The following SNX13 variants were observed in gnomAD, a reference collection of about 807,000 sequenced individuals.
SNX13 encodes sorting nexin-13.
In SNX13, 45 loss-of-function variants were observed where a neutral mutation model predicts 133.6. The observed-to-expected ratio is 0.34, with a 90% CI of 0.27 to 0.43. The LOEUF (loss-of-function observed/expected upper bound fraction) is 0.43. Among genes scored for constraint, SNX13 ranks in the 20% least tolerant of loss-of-function variants. SNX13 has a pLI of 1.00. For missense variants in SNX13, 1,032 were observed against 1,145.1 expected (o/e 0.90, Z 1.43); for synonymous variants, 414 against 373.9 (o/e 1.11, Z -1.24).
Position 17,845,634 on chromosome 7 carries a change from T to C in SNX13, c.1126A>G (p.Ser376Gly). 2 of 1,602,966 alleles carry C rather than the reference T, an allele frequency of 1.2e-6. No homozygotes were observed. The highest frequency in any genetic ancestry group is 1.7e-6 in the Non-Finnish European group (2 of 1,175,002). The part of the protein sequence containing the change: ...FGKLCTVPLD[S>G]ILVDNVALQF... ...AGTGCAACATTGTCTACAAGAATGCTGTCCAGGGGGACTGTGCAAAGTTTC... is the reference window on the plus strand; with the variant it reads ...AGTGCAACATTGTCTACAAGAATGCCGTCCAGGGGGACTGTGCAAAGTTTC... Residue 376 changes from serine (S) to glycine (G), a missense_variant, in exon 12 of 26, where the codon AGC (serine) becomes GGC (glycine). By Grantham distance (56) the Ser-to-Gly change is moderately conservative. Coordinates refer to ENST00000428135, the MANE Select transcript of SNX13 (RefSeq NM_015132.5).
At chr7:17,898,512 A>G (rs974301436) in intron 1 of SNX13, among the ~76,000 whole-genome samples, 1 of 152,202 alleles carries the variant, frequency 6.6e-6, no homozygotes, top group African/African-American at 2.4e-5. Context: ...TAGTGGGGAT[A>G]CCATAAGGGA....
At chr7:17,836,630 C>A (rs1789171180) in intron 13 of SNX13, among the ~76,000 whole-genome samples, 1 of 152,026 alleles carries the variant, frequency 6.6e-6, no homozygotes, top group Non-Finnish European at 1.5e-5. Flanking sequence ...TTTTCTATTA[C>A]AGAAATGTGA....
At chr7:17,899,595 T>C (rs1206798766) in intron 1 of SNX13, 1 of 151,894 alleles carries the variant, frequency 6.6e-6, no homozygotes, top group African/African-American at 2.4e-5. Flanking sequence ...GAAATTCTGA[T>C]GCATTCGTCA....
Position 17,826,049 on chromosome 7 carries a change from G to A in SNX13, c.1678C>T (p.Gln560Ter). 1 of 1,559,996 alleles carries A rather than the reference G, an allele frequency of 6.4e-7. No individual in the cohort carries two copies. Residue 560 changes from glutamine to a stop codon, truncating the protein, a stop_gained, in exon 17 of 26, where the codon CAA (glutamine) becomes TAA (stop). Transcript: ENST00000428135. LOFTEE classifies it high-confidence loss of function. The part of the protein sequence containing the change: ...LSNVSSDDSV[Q>*]LHAYISDTGV... ...GTGTCTGAAATGTAGGCATGAAGTT[G>A]TACTGAGTCATCAGAAGAAACATTT... is the stretch of plus-strand genomic sequence containing the variant.
chr7:17,935,067 C>T (rs1583852347), intron 1 of SNX13, among the ~76,000 whole-genome samples: 1 of 152,308 alleles, frequency 6.6e-6, no homozygotes, highest in East Asian at 1.9e-4. Context: ...GATATCTGCA[C>T]TCCCAGGTTC....
chr7:17,936,475 T>C (rs1802039008), intron 1 of SNX13, among the ~76,000 whole-genome samples: 1 of 152,204 alleles, frequency 6.6e-6, no homozygotes, highest in African/African-American at 2.4e-5. Context: ...CTAATAGCTT[T>C]AAATAGCTAC....
At chr7:17,849,873 C>T (rs1791001162) in intron 11 of SNX13, among the ~76,000 whole-genome samples, 1 of 152,180 alleles carries the variant, frequency 6.6e-6, no homozygotes, top group Non-Finnish European at 1.5e-5. Context: ...TAAACCAGTC[C>T]AAGACATTCT....
intron 18 of SNX13, among the ~76,000 whole-genome samples, chr7:17,818,511 ATT>A (rs1786926895): frequency 6.6e-6 from 1 of 152,166 alleles, no homozygotes; most frequent in South Asian, 2.1e-4. Context: ...TATACTCTAT[ATT>A]AACTCATCAT....
intron 15 of SNX13, chr7:17,831,603 T>C (rs761057062): frequency 8.1e-5 from 80 of 984,120 alleles, no homozygotes; most frequent in East Asian, 1.1e-4. Flanking sequence ...CCATATGATA[T>C]GACTTGGTCC....
At chr7:17,880,793 A>G (rs927023715) in intron 5 of SNX13, 1 of 152,236 alleles carries the variant, frequency 6.6e-6, no homozygotes, top group African/African-American at 2.4e-5. Context: ...CCACACACAC[A>G]AAGACTATAG....
At chr7:17,811,682 T>C (rs1030369170) in intron 20 of SNX13, among the ~76,000 whole-genome samples, 5 of 152,184 alleles carry the variant, frequency 3.3e-5, no homozygotes, top group Non-Finnish European at 7.4e-5. Flanking sequence ...AGAGCCCATA[T>C]AGACAAGAGA....
chr7:17,845,455 C>T (rs935788416), intron 12 of SNX13, 140 bp downstream of exon 12: 6 of 561,588 alleles, frequency 1.1e-5, no homozygotes, highest in Admixed American at 3.8e-5. Flanking sequence ...AGACTCTGTA[C>T]AACATCATGA....
rs1583645200 is a variant in SNX13 at position 17,890,616 on chromosome 7, C to A, written c.319-132G>T. On this transcript the variant is annotated intron_variant, in intron 4 of 25. Coordinates refer to ENST00000428135, the MANE Select transcript of SNX13 (RefSeq NM_015132.5). ...ACGTATTAATTTATGGTGGTAAATA[C>A]CTGCCCTCATTACAAAAACATCAAC... is the stretch of plus-strand genomic sequence containing the variant. 2.9e-5 allele frequency: 15 copies of A among 509,572 alleles called. No individual in the cohort carries two copies. The East Asian group carries it at 5.1e-4, about 17-fold the overall frequency. The allele number at this position is 509,572 out of a possible 1,614,324, so 31.6% of individuals were successfully genotyped here.
intron 9 of SNX13, among the ~76,000 whole-genome samples, chr7:17,864,660 C>G (rs571696210): frequency 6.6e-6 from 1 of 151,600 alleles, no homozygotes; most frequent in Non-Finnish European, 1.5e-5. Flanking sequence ...ACAAGAAGGT[C>G]GAAAAACACC....
At chr7:17,827,404 G>C (rs564540842) in intron 16 of SNX13, among the ~76,000 whole-genome samples, 110 of 152,026 alleles carry the variant, frequency 7.2e-4, no homozygotes, top group African/African-American at 2.5e-3. Flanking sequence ...GAGTCCTAAT[G>C]TAATATTATT....
At chr7:17,856,036 T>C (rs898528775) in intron 9 of SNX13, among the ~76,000 whole-genome samples, 1 of 152,220 alleles carries the variant, frequency 6.6e-6, no homozygotes, top group African/African-American at 2.4e-5. Flanking sequence ...CCAATCTTCA[T>C]AGATGACTTT....
intron 1 of SNX13, among the ~76,000 whole-genome samples, chr7:17,933,619 C>G (rs1043927497): frequency 1.3e-5 from 2 of 151,932 alleles, no homozygotes; most frequent in African/African-American, 4.8e-5. Flanking sequence ...AGAAACTATC[C>G]CCTTTTTTCT....
chr7:17,896,321 G>A (rs556587276), intron 2 of SNX13, among the ~76,000 whole-genome samples: 1 of 152,104 alleles, frequency 6.6e-6, no homozygotes, highest in African/African-American at 2.4e-5. Flanking sequence ...GTTTTATGGA[G>A]AGTCCTTGAC....
At chr7:17,830,721 T>C in intron 15 of SNX13, 1 of 977,480 alleles carries the variant, frequency 1.0e-6, no homozygotes. Context: ...AGAGTTCTAT[T>C]ATAAATCTAA....
Sources: allele counts gnomAD v4.1 joint callset (sites outside exome capture counted in the v4.1 genomes callset), GRCh38; gene constraint gnomAD v4.1.1; transcripts MANE v1.5; gene names NCBI Gene and HGNC (gene_info 2026-07-23, HGNC 2026-07-21).